HNRNPLL: variants seen among roughly 807,000 people sequenced by gnomAD.
HNRNPLL encodes heterogeneous nuclear ribonucleoprotein L like.
A neutral mutation model predicts 67.1 loss-of-function variants in HNRNPLL; 25 were observed. The observed-to-expected ratio is 0.37, with a 90% CI of 0.27 to 0.52. The LOEUF (loss-of-function observed/expected upper bound fraction) is 0.52, where lower values mean the gene tolerates loss of function less well. Among genes scored for constraint, HNRNPLL ranks in the 20% least tolerant of loss-of-function variants. HNRNPLL has a pLI of 0.90. For synonymous variants in HNRNPLL, 267 were observed against 241.7 expected, an observed-to-expected ratio of 1.10 and a Z score of -0.97; for missense variants, 542 against 673.9, an observed-to-expected ratio of 0.80 and a Z score of 2.17.
chr2:38,598,918 C>G (rs952533126), intron 1 of HNRNPLL, among the ~76,000 whole-genome samples: 5 of 152,250 alleles, frequency 3.3e-5, no homozygotes, highest in African/African-American at 1.2e-4. Flanking sequence ...GCCTCAGGCT[C>G]TGGCACTTAC....
chr2:38,602,018 C>T, intron 1 of HNRNPLL: 1 of 197,072 alleles, frequency 5.1e-6, no homozygotes, highest in East Asian at 1.8e-4. Flanking sequence ...CGCAACCATC[C>T]CGGGATGGTG....
chr2:38,564,954 A>C (rs1035724329), intron 12 of HNRNPLL, among the ~76,000 whole-genome samples: 10 of 151,928 alleles, frequency 6.6e-5, no homozygotes, highest in African/African-American at 2.4e-4. Flanking sequence ...TCTAGTATTA[A>C]ATCTCTCTTC....
At chr2:38,578,386 T>C (rs766902884) in intron 6 of HNRNPLL, among the ~76,000 whole-genome samples, 5 of 152,242 alleles carry the variant, frequency 3.3e-5, no homozygotes, top group Middle Eastern at 3.4e-3. Flanking sequence ...AAAATCATTA[T>C]ACAATACTTT....
intron 8 of HNRNPLL, among the ~76,000 whole-genome samples, chr2:38,570,563 C>T (rs1019116104): frequency 6.6e-6 from 1 of 152,136 alleles, no homozygotes; most frequent in Non-Finnish European, 1.5e-5. Context: ...TGGGCAGAGG[C>T]CATACTTACC....
At chr2:38,593,838 G>A (rs1177195965) in intron 1 of HNRNPLL, among the ~76,000 whole-genome samples, 1 of 150,428 alleles carries the variant, frequency 6.6e-6, no homozygotes, top group African/African-American at 2.5e-5. Context: ...ACTCCAGACT[G>A]GGCGACGGAG....
At chr2:38,571,612 A>C (rs1043113839) in intron 8 of HNRNPLL, among the ~76,000 whole-genome samples, 12 of 152,182 alleles carry the variant, frequency 7.9e-5, no homozygotes, top group Non-Finnish European at 1.6e-4. Flanking sequence ...TCTCATGGAC[A>C]AAATTCCTCT....
intron 1 of HNRNPLL, among the ~76,000 whole-genome samples, chr2:38,600,916 T>C (rs1057504344): frequency 1.3e-5 from 2 of 152,222 alleles, no homozygotes; most frequent in African/African-American, 2.4e-5. Context: ...TTATCTGTTT[T>C]CAAAAACAAA....
At chr2:38,588,368 T>C (rs1666815398) in intron 2 of HNRNPLL, among the ~76,000 whole-genome samples, 2 of 151,708 alleles carry the variant, frequency 1.3e-5, no homozygotes, top group Admixed American at 6.6e-5. Context: ...GCCAAGATGG[T>C]GAAACCCTGT....
At chr2:38,596,102 T>C (rs944035799) in intron 1 of HNRNPLL, among the ~76,000 whole-genome samples, 10 of 152,038 alleles carry the variant, frequency 6.6e-5, no homozygotes, top group Admixed American at 6.5e-4. Flanking sequence ...TTTCCAAATA[T>C]AAAACCAATG....
intron 7 of HNRNPLL, among the ~76,000 whole-genome samples, chr2:38,576,388 C>T (rs1292461850): frequency 6.6e-6 from 1 of 151,758 alleles, no homozygotes; most frequent in Non-Finnish European, 1.5e-5. Flanking sequence ...TTAATGTTTA[C>T]TCTGTTACAG....
At chr2:38,567,986 T>C (rs1233484663) in intron 12 of HNRNPLL, 2 of 450,010 alleles carry the variant, frequency 4.4e-6, no homozygotes, top group South Asian at 3.3e-5. Flanking sequence ...AACAGTAAGA[T>C]AATAAATGTT....
In HNRNPLL at chr2:38,581,442, G is replaced by A. The variant is rs993792844; in HGVS notation, c.802+471C>T. ...GCAGTATGCAGTCAAGGTGAATTGCGAGTCTGAGTTTTTCAGAGGGCTTTT... is the reference window on the plus strand; with the variant it reads ...GCAGTATGCAGTCAAGGTGAATTGCAAGTCTGAGTTTTTCAGAGGGCTTTT... On this transcript the variant is annotated intron_variant, in intron 6 of 12. Coordinates refer to ENST00000449105, the MANE Select transcript of HNRNPLL (RefSeq NM_138394.4). 27 of 172,486 alleles carry A rather than the reference G, an allele frequency of 1.6e-4. 1 individual carries two copies. Among genetic ancestry groups the A allele is most frequent in the Non-Finnish European group, 6.1e-5 (5 of 81,740 alleles). 10.7% of individuals were successfully genotyped at this position (172,486 alleles called of 1,614,324 possible). A position where few individuals can be genotyped will look rare whatever the true frequency, so the allele number is the denominator to read the frequency against.
intron 1 of HNRNPLL, among the ~76,000 whole-genome samples, chr2:38,598,801 T>C (rs1317782807): frequency 2.0e-5 from 3 of 152,194 alleles, no homozygotes; most frequent in Admixed American, 6.5e-5. Flanking sequence ...AACCAAAAGA[T>C]GGTAAAACCT....
In HNRNPLL at chr2:38,573,185, G is replaced by C. The variant is rs199508451; in HGVS notation, c.1092+25C>G. 3.3e-6 allele frequency: 5 copies of C among 1,494,880 alleles called. No homozygotes were observed. The East Asian group carries it at 1.1e-4, about 34-fold the overall frequency. 92.6% of individuals were successfully genotyped at this position (1,494,880 alleles called of 1,614,324 possible). A position where few individuals can be genotyped will look rare whatever the true frequency, so the allele number is the denominator to read the frequency against. On this transcript the variant is annotated intron_variant, in intron 8 of 12. Coordinates refer to ENST00000449105, the MANE Select transcript of HNRNPLL (RefSeq NM_138394.4). ...GTTACCACTGAATATCCTAGCAAAA[G>C]AAACCAATATAAAGAGAAACTTACC... is the stretch of plus-strand genomic sequence containing the variant.
At chr2:38,589,978 A>G (rs1014554520) in intron 2 of HNRNPLL, among the ~76,000 whole-genome samples, 1 of 152,210 alleles carries the variant, frequency 6.6e-6, no homozygotes, top group Non-Finnish European at 1.5e-5. Context: ...TCTACTGTCA[A>G]CAGCAAGACT....
rs895287117 is a variant in HNRNPLL at position 38,602,481 on chromosome 2, C to A, written c.146G>T (p.Gly49Val). The A allele has an allele frequency of 1.6e-5, 24 of 1,543,394 alleles. No homozygotes were observed. The highest frequency in any genetic ancestry group is 2.4e-5 in the East Asian group (1 of 41,162). The change falls in exon 1 of 13, where the codon GGC becomes GTC. Residue 49 changes from glycine to valine, a missense_variant. Gly to Val is a moderately radical substitution (Grantham distance 109). Around this residue, in one of 2 missense-constraint regions of HNRNPLL, gnomAD observed 127 missense variants for 98.7 expected, o/e 1.29. Coordinates refer to ENST00000449105, the MANE Select transcript of HNRNPLL (RefSeq NM_138394.4). ...GCCGCCGCCGCCGCCATCGCCCCCG[C>A]CCCGGGGCGTCGCTTCCCGGCGGTT... The part of the protein sequence containing the change: ...GENRREATPR[G>V]GGDGGGGGRS...
At chr2:38,599,829 T>G in intron 1 of HNRNPLL, 1 of 463,160 alleles carries the variant, frequency 2.2e-6, no homozygotes, top group East Asian at 7.1e-5. Flanking sequence ...ATGTAAATCT[T>G]CAAAGGCTTA....
At chr2:38,586,887 T>C (rs1218624377) in intron 2 of HNRNPLL, among the ~76,000 whole-genome samples, 5 of 152,106 alleles carry the variant, frequency 3.3e-5, no homozygotes, top group Non-Finnish European at 7.3e-5. Context: ...TTGGAGGAGA[T>C]ATATTTTAAT....
chr2:38,568,167 T>A lies in HNRNPLL; in HGVS notation c.1573+32A>T, dbSNP rs1369995638. On this transcript the variant is annotated intron_variant, in intron 12 of 12. Transcript: ENST00000449105. ...TTCTGTGATGGTAACTGCCACTACA[T>A]AATTACAACACAAATAAAGCATTTT... 2.9e-6 allele frequency: 4 copies of A among 1,364,620 alleles called. No homozygotes were observed. In the Admixed American group the frequency reaches 5.4e-5, roughly 18 times the overall value. The allele number at this position is 1,364,620 out of a possible 1,614,324, so 84.5% of individuals were successfully genotyped here.
Sources: gnomAD v4.1 joint callset for allele counts (sites outside exome capture counted in the v4.1 genomes callset) on GRCh38, gnomAD v4.1.1 for gene constraint, gnomAD v4.1.1 regional missense constraint, MANE v1.5 for transcripts, NCBI Gene and HGNC (gene_info 2026-07-23, HGNC 2026-07-21) for gene names.